The following CACNA1C variants were observed in gnomAD, a reference collection of about 807,000 sequenced individuals.
The protein encoded by CACNA1C is voltage-dependent L-type calcium channel subunit alpha-1C.
In CACNA1C, 30 loss-of-function variants were observed where a neutral mutation model predicts 229.0. That is an observed-to-expected ratio of 0.13 (90% CI 0.10 to 0.18). The LOEUF (loss-of-function observed/expected upper bound fraction) is 0.18. Among genes scored for constraint, CACNA1C ranks in the 10% least tolerant of loss-of-function variants. The pLI, the probability that CACNA1C is intolerant of heterozygous loss-of-function variation, is 1.00. For synonymous variants in CACNA1C, 1,114 were observed against 1,132.5 expected (o/e 0.98, Z 0.33); for missense variants, 1,658 against 2,845.0 (o/e 0.58, Z 9.49).
chr12:2,475,159 C>T (rs1011641063), intron 5 of CACNA1C, among the ~76,000 whole-genome samples: 2 of 152,030 alleles, frequency 1.3e-5, no homozygotes, highest in African/African-American at 2.4e-5. Context: ...ATTAGCCGGG[C>T]GCAGTAGTGG....
intron 3 of CACNA1C, among the ~76,000 whole-genome samples, chr12:2,205,387 T>G (rs1215402813): frequency 6.6e-6 from 1 of 152,202 alleles, no homozygotes; most frequent in East Asian, 1.9e-4. Flanking sequence ...ACTCTTAATT[T>G]GGCTTTCTCT....
exon 1 of CACNA1C, chr12:1,970,931 T>C (rs1342217667): frequency 1.8e-5 from 7 of 388,288 alleles, no homozygotes; most frequent in Non-Finnish European, 2.8e-5. Context: ...GATACGGCCA[T>C]GTCAACTTTT....
At chr12:1,989,686 C>G (rs1182024637) in intron 1 of CACNA1C, among the ~76,000 whole-genome samples, 1 of 152,228 alleles carries the variant, frequency 6.6e-6, no homozygotes, top group Non-Finnish European at 1.5e-5. Flanking sequence ...GCACTCCAGC[C>G]TGGACAAATA....
chr12:2,436,912 A>G (rs771242679), intron 3 of CACNA1C, among the ~76,000 whole-genome samples: 4 of 152,188 alleles, frequency 2.6e-5, no homozygotes, highest in Non-Finnish European at 5.9e-5. Context: ...CACCCTCAGC[A>G]TGTTGCTCTT....
intron 1 of CACNA1C, among the ~76,000 whole-genome samples, chr12:2,009,786 A>G (rs1190340660): frequency 6.6e-6 from 1 of 152,216 alleles, no homozygotes; most frequent in Non-Finnish European, 1.5e-5. Flanking sequence ...GCAGCAGAGC[A>G]CAGTAGGAAG....
chr12:2,158,931 C>T (rs976533833), intron 3 of CACNA1C, among the ~76,000 whole-genome samples: 5 of 151,954 alleles, frequency 3.3e-5, no homozygotes, highest in Admixed American at 2.6e-4. Flanking sequence ...GGACATTGAT[C>T]TAAACTAAAT....
chr12:2,542,206 AT>A (rs1222345966), intron 9 of CACNA1C, among the ~76,000 whole-genome samples: 2 of 152,174 alleles, frequency 1.3e-5, no homozygotes, highest in East Asian at 3.8e-4. Flanking sequence ...TTCTGGAGTC[AT>A]TTTTTATTCA....
At chr12:2,217,342 G>A (rs533451025) in intron 3 of CACNA1C, 3 of 152,092 alleles carry the variant, frequency 2.0e-5, no homozygotes, top group Non-Finnish European at 2.9e-5. Flanking sequence ...TGGAGGTGAT[G>A]GTTAAACAAC....
intron 30 of CACNA1C, among the ~76,000 whole-genome samples, chr12:2,643,042 G>C (rs4495946): frequency 6.6e-6 from 1 of 152,258 alleles, no homozygotes; most frequent in Non-Finnish European, 1.5e-5. Context: ...CACAAAGCAG[G>C]AAGAGCAAAA....
At chr12:2,557,376 T>C (rs553067439) in intron 11 of CACNA1C, among the ~76,000 whole-genome samples, 8 of 152,314 alleles carry the variant, frequency 5.3e-5, no homozygotes, top group Non-Finnish European at 5.9e-5. Context: ...GCACGTAGGA[T>C]TATGACACCC....
At chr12:2,010,012 A>G (rs2044118103) in intron 1 of CACNA1C, among the ~76,000 whole-genome samples, 1 of 152,248 alleles carries the variant, frequency 6.6e-6, no homozygotes, top group South Asian at 2.1e-4. Flanking sequence ...TACAATTAGT[A>G]GTAGTAAGAG....
At chr12:2,025,750 C>T (rs1368829655) in intron 1 of CACNA1C, among the ~76,000 whole-genome samples, 2 of 152,182 alleles carry the variant, frequency 1.3e-5, no homozygotes, top group African/African-American at 4.8e-5. Context: ...CTTTCACTGG[C>T]CGAGCAGAGC....
chr12:2,005,946 C>T (rs555546359), intron 1 of CACNA1C, among the ~76,000 whole-genome samples: 17 of 152,340 alleles, frequency 1.1e-4, no homozygotes, highest in African/African-American at 4.1e-4. Flanking sequence ...TTAAAATATC[C>T]ATCTCTTTTC....
chr12:2,633,796 G>T lies in CACNA1C; in HGVS notation c.3829-501G>T. On this transcript the variant is annotated intron_variant, in intron 29 of 46. Transcript: ENST00000399655. The surrounding 1 kb of genome is among the most constrained non-coding windows in gnomAD (Gnocchi z 5.8). The stretch of plus-strand genomic sequence containing the variant: ...TATTTCTCTCTCTCTCACTCTCTCT[G>T]TTTACCTTCTTTTATGTTTTTTTTA... 2 of 760,848 alleles carry T rather than the reference G, an allele frequency of 2.6e-6. No homozygotes were observed. Among genetic ancestry groups the T allele is most frequent in the South Asian group, 3.3e-5 (2 of 60,864 alleles). The allele number at this position is 760,848 out of a possible 1,614,324, so 47.1% of individuals were successfully genotyped here.
intron 3 of CACNA1C, among the ~76,000 whole-genome samples, chr12:2,330,644 C>T (rs2096516121): frequency 6.6e-6 from 1 of 152,186 alleles, no homozygotes; most frequent in Non-Finnish European, 1.5e-5. Flanking sequence ...GAGAGAAAAA[C>T]AGTTTTACCC....
chr12:2,149,369 G>T (rs945797068), intron 3 of CACNA1C, among the ~76,000 whole-genome samples: 2 of 152,188 alleles, frequency 1.3e-5, no homozygotes, highest in Admixed American at 1.3e-4. Flanking sequence ...CATAGGAAAT[G>T]TCACGGTCTT....
rs7310079 is a variant in CACNA1C at position 2,666,311 on chromosome 12, T to C, written c.4527-375T>C. On this transcript the variant is annotated intron_variant, in intron 36 of 46. Transcript: ENST00000399655. This position sits in a 1 kb window ranked among gnomAD's most constrained non-coding sequence, Gnocchi z 5.3. The stretch of plus-strand genomic sequence containing the variant: ...TAGGTAGGGCCGGGGAAAATCTTGA[T>C]TCCATTCCCGCTTCTGGTCTAAAGA... Among the ~76,000 whole-genome samples the C allele has an allele frequency of 0.61, 91,441 of 150,606 alleles. 29,805 individuals carry two copies. Among genetic ancestry groups the C allele is most frequent in the Non-Finnish European group, 0.73 (49,266 of 67,712 alleles).
At chr12:2,300,229 T>A (rs1385224934) in intron 3 of CACNA1C, among the ~76,000 whole-genome samples, 1 of 152,222 alleles carries the variant, frequency 6.6e-6, no homozygotes, top group Non-Finnish European at 1.5e-5. Flanking sequence ...GGGAAAACAG[T>A]GAGGTCCCGA....
chr12:2,058,738 G>A (rs1035243976), intron 1 of CACNA1C, among the ~76,000 whole-genome samples: 4 of 152,246 alleles, frequency 2.6e-5, no homozygotes, highest in East Asian at 3.8e-4. Context: ...GGGGAAAATG[G>A]AATGGAATGT....
Sources: gnomAD v4.1 joint callset for allele counts (sites outside exome capture counted in the v4.1 genomes callset) on GRCh38, gnomAD v4.1.1 for gene constraint, Gnocchi (gnomAD v3.1) non-coding constraint, MANE v1.5 for transcripts, NCBI Gene and HGNC (gene_info 2026-07-23, HGNC 2026-07-21) for gene names.